The following HMGA2 variants were observed in gnomAD, a reference collection of about 807,000 sequenced individuals.
The protein encoded by HMGA2 is high mobility group AT-hook 2.
Under a neutral mutation model 19.1 loss-of-function variants are expected in HMGA2, and 8 were observed. The ratio of observed to expected loss-of-function variants is 0.42; its 90% CI spans 0.25 to 0.76. The LOEUF (loss-of-function observed/expected upper bound fraction) is 0.76. HMGA2 is among the 30% of genes least tolerant of loss of function. The pLI is 0.28. For synonymous variants in HMGA2, 60 were observed against 48.8 expected (o/e 1.23, Z -0.96); for missense variants, 109 against 136.3 (o/e 0.80, Z 1.00).
chr12:65,881,812 T>G, intron 3 of HMGA2: 1 of 703,000 alleles, frequency 1.4e-6, no homozygotes, highest in Middle Eastern at 2.3e-4. Flanking sequence ...TGCGCGCAAG[T>G]GGTGGGATGA....
intron 3 of HMGA2, among the ~76,000 whole-genome samples, chr12:65,939,127 C>A (rs576543042): frequency 2.0e-5 from 3 of 152,156 alleles, no homozygotes; most frequent in Non-Finnish European, 4.4e-5. Context: ...TTCCAGAAGA[C>A]TAGAAACATA....
At chr12:65,936,760 C>A (rs1875909122) in intron 3 of HMGA2, among the ~76,000 whole-genome samples, 1 of 152,142 alleles carries the variant, frequency 6.6e-6, no homozygotes, top group African/African-American at 2.4e-5. Context: ...TATTTAATCA[C>A]CCCAGCAACC....
rs1870118969 is a variant in HMGA2, at chr12:65,825,561, A to T, written c.111+180A>T. Among the ~76,000 whole-genome samples, 6 of 150,504 alleles carry T rather than the reference A, an allele frequency of 4.0e-5. No homozygotes were observed. In the South Asian group the frequency reaches 1.2e-3, roughly 31 times the overall value. On this transcript the variant is annotated intron_variant, in intron 1 of 4. Transcript: ENST00000403681. The surrounding 1 kb of genome is among the most constrained non-coding windows in gnomAD (Gnocchi z 4.4). ...GTGCGCCGCGCGGCCCCGGGGCGCC[A>T]GCAACCCTCCGGGCGGGGAGGTGGG...
chr12:65,860,086 T>C (rs781101032), intron 3 of HMGA2: 3 of 443,672 alleles, frequency 6.8e-6, no homozygotes, highest in African/African-American at 4.0e-5. Context: ...AGCAAGACTC[T>C]GTCTGAAAAG....
At chr12:65,881,948 G>A (rs1445624751) in intron 3 of HMGA2, 4 of 700,644 alleles carry the variant, frequency 5.7e-6, no homozygotes, top group Middle Eastern at 2.3e-4. Context: ...CCAATTGCGG[G>A]GGTTCCTCCG....
At chr12:65,849,736 A>ATTTTTTTTTTTTTTTTTTTTTTTTTT (rs34541445) in intron 3 of HMGA2, among the ~76,000 whole-genome samples, 11 of 85,126 alleles carry the variant, frequency 1.3e-4, no homozygotes, top group African/African-American at 4.3e-4. Context: ...TAGGCTCTGT[A>ATTTTTTTTTTTTTTTTTTTTTTTTTT]TTTTTTTTTT....
chr12:65,934,663 A>G (rs2121276856), intron 3 of HMGA2: 2 of 152,274 alleles, frequency 1.3e-5, no homozygotes, highest in Middle Eastern at 6.8e-3. Flanking sequence ...TGATGCTTAC[A>G]TTTGTTCACA....
chr12:65,879,383 C>T (rs1873236567), intron 3 of HMGA2, among the ~76,000 whole-genome samples: 1 of 152,082 alleles, frequency 6.6e-6, no homozygotes, highest in Non-Finnish European at 1.5e-5. Context: ...CCCACCTTGG[C>T]CCCCGCAAAG....
At chr12:65,857,002 G>C (rs767917764) in intron 3 of HMGA2, 2 of 152,106 alleles carry the variant, frequency 1.3e-5, no homozygotes, top group Non-Finnish European at 2.9e-5. Flanking sequence ...TCTTTTTAGG[G>C]GACACAATTC....
intron 3 of HMGA2, among the ~76,000 whole-genome samples, chr12:65,875,587 C>CAATTTTTTTT (rs1565717384): frequency 2.9e-5 from 1 of 34,062 alleles, no homozygotes; most frequent in Non-Finnish European, 1.0e-4. Context: ...CCGTGCCCGG[C>CAATTTTTTTT]TATTTTTTTT....
chr12:65,852,114 C>CAATTTGTGCAAAT (rs1390002755), intron 3 of HMGA2, among the ~76,000 whole-genome samples: 3 of 151,922 alleles, frequency 2.0e-5, no homozygotes, highest in African/African-American at 7.3e-5. Context: ...GTACAAAGTA[C>CAATTTGTGCAAAT]AATTTGTGCA....
In HMGA2 at chr12:65,965,271, T is replaced by C. The variant is rs997292449; in HGVS notation, c.*1979T>C. ...AGAAAATGCTTGACAAATATTTTCA[T>C]GTATTTTACACAAATGTGATTTTTG... On this transcript the variant is annotated 3_prime_UTR_variant, in exon 5 of 5. Coordinates refer to ENST00000403681, the MANE Select transcript of HMGA2 (RefSeq NM_003483.6). 1 of 203,314 alleles carries C rather than the reference T, an allele frequency of 4.9e-6. No homozygotes were observed. The highest frequency in any genetic ancestry group is 1.0e-5 in the Non-Finnish European group (1 of 98,816). The allele number at this position is 203,314 out of a possible 1,614,324, so 12.6% of individuals were successfully genotyped here. A position where few individuals can be genotyped will look rare whatever the true frequency, so the allele number is the denominator to read the frequency against.
chr12:65,888,709 G>A (rs1283189147), intron 3 of HMGA2, among the ~76,000 whole-genome samples: 29 of 150,520 alleles, frequency 1.9e-4, no homozygotes, highest in African/African-American at 6.6e-4. Flanking sequence ...GACTACAGGC[G>A]CCCGCCACCA....
At chr12:65,935,511 T>A (rs989632565) in intron 3 of HMGA2, among the ~76,000 whole-genome samples, 2 of 152,166 alleles carry the variant, frequency 1.3e-5, no homozygotes, top group African/African-American at 4.8e-5. Flanking sequence ...TTTCTTTTTT[T>A]TTTTCTGTCT....
intron 3 of HMGA2, among the ~76,000 whole-genome samples, chr12:65,927,117 CAACTT>C (rs1224728100): frequency 2.6e-5 from 4 of 152,168 alleles, no homozygotes; most frequent in Non-Finnish European, 5.9e-5. Context: ...TTTAAACGCA[CAACTT>C]AACACCATTT....
intron 3 of HMGA2, chr12:65,859,019 T>C (rs1021226563): frequency 6.6e-6 from 1 of 152,248 alleles, no homozygotes; most frequent in Non-Finnish European, 1.5e-5. Flanking sequence ...GGATCGTGTT[T>C]ATCTGTCATC....
In HMGA2 at chr12:65,883,461, AAT is replaced by A. The variant is rs1393001987; in HGVS notation, c.249+44895_249+44896del. Among the ~76,000 whole-genome samples the A allele has an allele frequency of 5.9e-5, 9 of 152,322 alleles. No homozygotes were observed. In the East Asian group the frequency reaches 1.7e-3, roughly 29 times the overall value. ...CTCAGTTTCCACAACAACCTTATGA[AAT>A]ATTTCTTCCTTTTGTGATGAGGAAA... On this transcript the variant is annotated intron_variant, in intron 3 of 4. Transcript: ENST00000403681.
intron 3 of HMGA2, among the ~76,000 whole-genome samples, chr12:65,899,043 CAAAAAAAAA>C (rs751128412): frequency 1.2e-4 from 3 of 25,328 alleles, no homozygotes; most frequent in East Asian, 1.1e-3. Context: ...GACTCCGTCT[CAAAAAAAAA>C]AAAAAAAAAA....
At chr12:65,915,416 G>A (rs1875062600) in intron 3 of HMGA2, 4 of 1,276,314 alleles carry the variant, frequency 3.1e-6, no homozygotes, top group Admixed American at 3.3e-5. Context: ...AGCTTAGAGA[G>A]TAGAGGGTGG....
Sources: gnomAD v4.1 joint callset for allele counts (sites outside exome capture counted in the v4.1 genomes callset) on GRCh38, gnomAD v4.1.1 for gene constraint, Gnocchi (gnomAD v3.1) non-coding constraint, MANE v1.5 for transcripts, NCBI Gene and HGNC (gene_info 2026-07-23, HGNC 2026-07-21) for gene names.